The following HS3ST4 variants were observed in gnomAD, a reference collection of about 807,000 sequenced individuals.
HS3ST4 encodes heparan sulfate glucosamine 3-O-sulfotransferase 4.
Under a neutral mutation model 29.2 loss-of-function variants are expected in HS3ST4, and 17 were observed. The ratio of observed to expected loss-of-function variants is 0.58; its 90% CI spans 0.40 to 0.87. HS3ST4 has a LOEUF of 0.87. HS3ST4 is among the 40% of genes least tolerant of loss of function. HS3ST4 has a pLI of 0.00. For synonymous variants in HS3ST4, 314 were observed against 285.7 expected (o/e 1.10, Z -1.00); for missense variants, 627 against 634.5 (o/e 0.99, Z 0.13).
chr16:26,118,234 T>G (rs1190637824), intron 1 of HS3ST4, among the ~76,000 whole-genome samples: 1 of 152,080 alleles, frequency 6.6e-6, no homozygotes, highest in African/African-American at 2.4e-5. Flanking sequence ...CTTGGCTAAT[T>G]TTTAAAATCT....
chr16:26,121,583 C>T (rs1899277839), intron 1 of HS3ST4, among the ~76,000 whole-genome samples: 1 of 152,148 alleles, frequency 6.6e-6, no homozygotes, highest in Non-Finnish European at 1.5e-5. Context: ...AGAAGGAAGG[C>T]AGGCTGGCAG....
chr16:25,883,093 C>T (rs1327533821), intron 1 of HS3ST4, among the ~76,000 whole-genome samples: 2 of 151,642 alleles, frequency 1.3e-5, no homozygotes, highest in African/African-American at 4.8e-5. Flanking sequence ...GGCTCCCTGA[C>T]CAGAATCTAA....
At position 26,063,285 on chromosome 16, in the gene HS3ST4, C is replaced by T. The variant is rs112757925; in HGVS notation, c.735-72327C>T. 3.8e-3 allele frequency among the ~76,000 whole-genome samples: 580 copies of T among 152,220 alleles called. 5 individuals are homozygous for T. Among genetic ancestry groups the T allele is most frequent in the African/African-American group, 0.013 (558 of 41,548 alleles). ...CATTTCTATCATCCCCAACATCTTC[C>T]TCCCCAACCCCTTCCATTGGTTGAA... On this transcript the variant is annotated intron_variant, in intron 1 of 1. Transcript: ENST00000331351.
intron 1 of HS3ST4, among the ~76,000 whole-genome samples, chr16:26,040,878 C>A (rs959379968): frequency 3.3e-5 from 5 of 152,094 alleles, no homozygotes; most frequent in African/African-American, 1.2e-4. Flanking sequence ...TATTACCTCA[C>A]CCAACATGGT....
chr16:26,134,357 C>CTTTTTTTTTTTTTTTTTTTTTTT (rs1167036022), intron 1 of HS3ST4, among the ~76,000 whole-genome samples: 2 of 109,066 alleles, frequency 1.8e-5, no homozygotes, highest in Non-Finnish European at 3.7e-5. Context: ...CTTTTCTTTT[C>CTTTTTTTTTTTTTTTTTTTTTTT]TTTTCTTTTT....
chr16:26,007,307 G>A (rs959916776), intron 1 of HS3ST4, among the ~76,000 whole-genome samples: 1 of 152,128 alleles, frequency 6.6e-6, no homozygotes, highest in Admixed American at 6.6e-5. Flanking sequence ...GGTATCTGCT[G>A]TTATAAATCC....
At chr16:25,802,663 A>T (rs184062173) in intron 1 of HS3ST4, among the ~76,000 whole-genome samples, 2 of 152,210 alleles carry the variant, frequency 1.3e-5, no homozygotes, top group Admixed American at 1.3e-4. Flanking sequence ...ACATTTGTAG[A>T]TTACTGTTTA....
chr16:25,957,302 A>C (rs983485017), intron 1 of HS3ST4, among the ~76,000 whole-genome samples: 6 of 152,234 alleles, frequency 3.9e-5, no homozygotes, highest in African/African-American at 1.2e-4. Flanking sequence ...AAAGGCCTGG[A>C]AAGGAAAATA....
chr16:26,034,683 C>A (rs1003282726), intron 1 of HS3ST4, among the ~76,000 whole-genome samples: 7 of 151,428 alleles, frequency 4.6e-5, no homozygotes, highest in African/African-American at 7.3e-5. Flanking sequence ...GGGGGTCTCA[C>A]CAGCATGGAG....
chr16:26,004,084 A>G (rs974478753), intron 1 of HS3ST4, among the ~76,000 whole-genome samples: 2 of 152,058 alleles, frequency 1.3e-5, no homozygotes, highest in Admixed American at 1.3e-4. Context: ...CAGTCGTTTC[A>G]GTGATCTTTT....
intron 1 of HS3ST4, among the ~76,000 whole-genome samples, chr16:25,804,471 G>A (rs570998245): frequency 5.8e-4 from 88 of 152,134 alleles, no homozygotes; most frequent in African/African-American, 2.1e-3. Context: ...TCCCCATTCA[G>A]CAAATTGCCT....
At chr16:25,822,086 C>G (rs1967163280) in intron 1 of HS3ST4, among the ~76,000 whole-genome samples, 1 of 152,090 alleles carries the variant, frequency 6.6e-6, no homozygotes, top group South Asian at 2.1e-4. Context: ...TTTGAAATCT[C>G]TGTAGGTGAA....
At chr16:26,103,747 T>C (rs1400397643) in intron 1 of HS3ST4, among the ~76,000 whole-genome samples, 1 of 152,196 alleles carries the variant, frequency 6.6e-6, no homozygotes, top group East Asian at 1.9e-4. Flanking sequence ...TAAAATTCAA[T>C]ACCCTTGAGT....
chr16:25,757,800 T>A (rs1260460553), intron 1 of HS3ST4, among the ~76,000 whole-genome samples: 1 of 151,940 alleles, frequency 6.6e-6, no homozygotes, highest in East Asian at 1.9e-4. Context: ...TTTTAGAGAA[T>A]CAAAACTTCT....
chr16:25,726,541 G>A (rs1442273320), intron 1 of HS3ST4, among the ~76,000 whole-genome samples: 1 of 152,154 alleles, frequency 6.6e-6, no homozygotes, highest in Non-Finnish European at 1.5e-5. Context: ...AGCAGTCAGG[G>A]TGATTTAAAG....
chr16:26,000,865 A>G (rs1298734259), intron 1 of HS3ST4, among the ~76,000 whole-genome samples: 1 of 152,222 alleles, frequency 6.6e-6, no homozygotes, highest in Non-Finnish European at 1.5e-5. Flanking sequence ...ATTTGAATCT[A>G]ATCGTGAGAA....
chr16:25,850,205 G>T (rs759069287), intron 1 of HS3ST4, among the ~76,000 whole-genome samples: 1 of 151,740 alleles, frequency 6.6e-6, no homozygotes, highest in African/African-American at 2.4e-5. Flanking sequence ...CTCCATGTTG[G>T]TTAGGCTGGT....
chr16:25,965,812 A>C (rs1328030479), intron 1 of HS3ST4, among the ~76,000 whole-genome samples: 1 of 152,224 alleles, frequency 6.6e-6, no homozygotes, highest in Admixed American at 6.5e-5. Flanking sequence ...TTACATATAG[A>C]ACTCTTCACA....
At chr16:25,720,336 C>T (rs1436409898) in intron 1 of HS3ST4, among the ~76,000 whole-genome samples, 1 of 152,080 alleles carries the variant, frequency 6.6e-6, no homozygotes, top group Non-Finnish European at 1.5e-5. Flanking sequence ...GAGCCAGATC[C>T]CATAAGACCC....
Sources: gnomAD v4.1 joint callset for allele counts (sites outside exome capture counted in the v4.1 genomes callset) on GRCh38, gnomAD v4.1.1 for gene constraint, MANE v1.5 for transcripts, NCBI Gene and HGNC (gene_info 2026-07-23, HGNC 2026-07-21) for gene names.